The following CTNNA2 variants were observed in gnomAD, a reference collection of about 807,000 sequenced individuals.
CTNNA2 encodes the protein catenin alpha-2.
A neutral mutation model predicts 101.0 loss-of-function variants in CTNNA2; 42 were observed. The ratio of observed to expected loss-of-function variants is 0.42; its 90% CI spans 0.32 to 0.54. The LOEUF is 0.54. CTNNA2 is among the 20% of genes least tolerant of loss of function. CTNNA2 has a pLI of 0.14. For missense variants in CTNNA2, 871 were observed against 1,223.1 expected (o/e 0.71, Z 4.29); for synonymous variants, 450 against 456.4 (o/e 0.99, Z 0.18).
At chr2:79,776,091 A>T (rs1038477577) in intron 3 of CTNNA2, among the ~76,000 whole-genome samples, 1 of 152,192 alleles carries the variant, frequency 6.6e-6, no homozygotes, top group East Asian at 1.9e-4. Flanking sequence ...CATTTATTCA[A>T]ACAGACAGCA....
chr2:80,628,607 G>A (rs1488199917), intron 18 of CTNNA2, among the ~76,000 whole-genome samples: 2 of 151,890 alleles, frequency 1.3e-5, no homozygotes, highest in Non-Finnish European at 2.9e-5. Context: ...CCTATTCTTT[G>A]TAGTTTTTTG....
intron 7 of CTNNA2, among the ~76,000 whole-genome samples, chr2:80,316,148 C>T (rs932284185): frequency 2.6e-5 from 4 of 152,108 alleles, no homozygotes; most frequent in African/African-American, 9.7e-5. Flanking sequence ...TGAAACAGAA[C>T]AAACACAGGT....
At chr2:79,613,118 G>A (rs558927904) in intron 1 of CTNNA2, among the ~76,000 whole-genome samples, 3 of 150,306 alleles carry the variant, frequency 2.0e-5, no homozygotes, top group African/African-American at 7.3e-5. Flanking sequence ...ATTTTGCGGA[G>A]ATGAAAACAT....
intron 2 of CTNNA2, among the ~76,000 whole-genome samples, chr2:79,681,955 T>TATGGTA (rs1453654767): frequency 6.6e-6 from 1 of 152,190 alleles, no homozygotes; most frequent in Admixed American, 6.5e-5. Context: ...TTCTTCTTCC[T>TATGGTA]ACGAAGTGGA....
intron 6 of CTNNA2, among the ~76,000 whole-genome samples, chr2:79,877,847 T>A (rs1479564451): frequency 1.3e-5 from 2 of 152,210 alleles, no homozygotes; most frequent in South Asian, 2.1e-4. Context: ...ATTTATTTTT[T>A]AAAAATTTTA....
chr2:80,091,162 GT>G, intron 7 of CTNNA2, among the ~76,000 whole-genome samples: 1 of 152,182 alleles, frequency 6.6e-6, no homozygotes, highest in East Asian at 1.9e-4. Context: ...AATTCCAGCA[GT>G]TTTTTGAAGG....
intron 7 of CTNNA2, among the ~76,000 whole-genome samples, chr2:80,168,060 G>A (rs952540827): frequency 2.0e-5 from 3 of 152,140 alleles, no homozygotes; most frequent in East Asian, 3.9e-4. Context: ...TGCCTTGGGG[G>A]AGAAGCAGGG....
intron 7 of CTNNA2, among the ~76,000 whole-genome samples, chr2:80,002,810 C>T (rs1322280294): frequency 1.3e-5 from 2 of 152,130 alleles, no homozygotes; most frequent in African/African-American, 4.8e-5. Context: ...ATACTTCTGC[C>T]TACAGGATAA....
intron 3 of CTNNA2, among the ~76,000 whole-genome samples, chr2:79,814,638 C>CACACACACACACACACACAT (rs145584853): frequency 1.1e-3 from 165 of 147,054 alleles, no homozygotes; most frequent in African/African-American, 3.9e-3. Flanking sequence ...CACACACACA[C>CACACACACACACACACACAT]ATATATATAT....
intron 1 of CTNNA2, among the ~76,000 whole-genome samples, chr2:79,515,107 A>G (rs72921156): frequency 0.19 from 29,287 of 152,086 alleles, 3,138 homozygotes; most frequent in African/African-American, 0.29. Context: ...CATGGTAGGA[A>G]TGCAATTCCA....
chr2:80,402,848 G>T (rs1170272064), intron 8 of CTNNA2, among the ~76,000 whole-genome samples: 8 of 149,190 alleles, frequency 5.4e-5, no homozygotes, highest in Non-Finnish European at 1.0e-4. Context: ...ATTTCACAAG[G>T]CTCCTCTCTT....
chr2:79,282,569 C>G (rs1675423531), intron 2 of CTNNA2, among the ~76,000 whole-genome samples: 2 of 149,574 alleles, frequency 1.3e-5, no homozygotes, highest in Middle Eastern at 3.4e-3. Flanking sequence ...CATCCATGTC[C>G]CTACAAAGGA....
At chr2:79,701,794 G>C (rs541077443) in intron 2 of CTNNA2, among the ~76,000 whole-genome samples, 3 of 152,154 alleles carry the variant, frequency 2.0e-5, no homozygotes, top group East Asian at 3.9e-4. Flanking sequence ...TTGAGGTCAA[G>C]AGTTCAAGAC....
chr2:79,743,672 T>A (rs1376769023), intron 2 of CTNNA2, among the ~76,000 whole-genome samples: 1 of 152,020 alleles, frequency 6.6e-6, no homozygotes, highest in Admixed American at 6.6e-5. Flanking sequence ...TAGCTGCGAT[T>A]GTAGGCACCT....
At chr2:79,706,146 C>T (rs1685345618) in intron 2 of CTNNA2, among the ~76,000 whole-genome samples, 1 of 151,956 alleles carries the variant, frequency 6.6e-6, no homozygotes, top group Non-Finnish European at 1.5e-5. Context: ...AGGCGGATCA[C>T]GAGGTCAGGA....
At chr2:79,294,480 T>C (rs1006301604) in intron 2 of CTNNA2, among the ~76,000 whole-genome samples, 4 of 152,112 alleles carry the variant, frequency 2.6e-5, no homozygotes, top group Non-Finnish European at 5.9e-5. Flanking sequence ...ATTTAGTCCA[T>C]ACCAAGTATC....
rs747279367 is a variant in CTNNA2 at position 80,647,896 on chromosome 2, C to A, written c.*24C>A. 1.3e-6 allele frequency: 2 copies of A among 1,531,632 alleles called. No homozygotes were observed. Among genetic ancestry groups the A allele is most frequent in the African/African-American group, 1.4e-5 (1 of 71,640 alleles). The allele number at this position is 1,531,632 out of a possible 1,614,324, so 94.9% of individuals were successfully genotyped here. A position where few individuals can be genotyped will look rare whatever the true frequency, so the allele number is the denominator to read the frequency against. Reference sequence around the variant, plus strand: ...AGGACGATAGGTTTTAACAAGAAAGCTTTTTCTTTCTTTTCTTTCTTTCTT... The same window carrying A: ...AGGACGATAGGTTTTAACAAGAAAGATTTTTCTTTCTTTTCTTTCTTTCTT... On this transcript the variant is annotated 3_prime_UTR_variant, in exon 19 of 19. Transcript: ENST00000402739.
chr2:80,424,943 G>C (rs1296910587), intron 9 of CTNNA2, among the ~76,000 whole-genome samples: 4 of 152,144 alleles, frequency 2.6e-5, no homozygotes, highest in East Asian at 1.9e-4. Flanking sequence ...TGCCTCAGCG[G>C]GGCTGTGCTC....
chr2:79,293,968 T>C (rs930731729), intron 2 of CTNNA2, among the ~76,000 whole-genome samples: 39 of 152,138 alleles, frequency 2.6e-4, no homozygotes, highest in African/African-American at 9.4e-4. Flanking sequence ...TCAGAGTTGT[T>C]TGTAGAATGG....
Sources: allele counts gnomAD v4.1 joint callset (sites outside exome capture counted in the v4.1 genomes callset), GRCh38; gene constraint gnomAD v4.1.1; transcripts MANE v1.5; gene names NCBI Gene and HGNC (gene_info 2026-07-23, HGNC 2026-07-21).